CUX1: variants seen among roughly 807,000 people sequenced by gnomAD.
CUX1 encodes cut like homeobox 1, also known as protein CASP.
In CUX1, 31 loss-of-function variants were observed where a neutral mutation model predicts 158.8. That is an observed-to-expected ratio of 0.20 (90% CI 0.15 to 0.26). The LOEUF is 0.26. Ranked by LOEUF, CUX1 falls within the 10% of genes least tolerant of loss-of-function variation. The probability of loss-of-function intolerance (pLI) is 1.00; values close to 1 mark genes in which losing one functional copy is unlikely to be tolerated. For synonymous variants in CUX1, 879 were observed against 862.1 expected (o/e 1.02, Z -0.34); for missense variants, 1,589 against 2,014.6 (o/e 0.79, Z 4.04).
At chr7:102,056,804 C>T (rs568488168) in intron 3 of CUX1, among the ~76,000 whole-genome samples, 19 of 152,206 alleles carry the variant, frequency 1.2e-4, no homozygotes, top group Non-Finnish European at 8.8e-5. Context: ...CTCCTGACCT[C>T]GTGATCCGCC....
chr7:101,873,087 G>A (rs1372242113), intron 1 of CUX1, among the ~76,000 whole-genome samples: 2 of 151,576 alleles, frequency 1.3e-5, no homozygotes, highest in African/African-American at 2.4e-5. Context: ...TGGCCAGGAT[G>A]GTCTTGATCT....
chr7:102,028,864 A>C (rs1175365970), intron 3 of CUX1, among the ~76,000 whole-genome samples: 1 of 152,122 alleles, frequency 6.6e-6, no homozygotes, highest in Non-Finnish European at 1.5e-5. Flanking sequence ...GGATTTATTG[A>C]ATCTCACCTC....
chr7:102,189,972 T>C (rs1794104096), intron 12 of CUX1, 101 bp downstream of exon 12: 1 of 1,268,082 alleles, frequency 7.9e-7, no homozygotes, highest in Non-Finnish European at 1.1e-6. Flanking sequence ...CCCCCTGCCC[T>C]CTGGCTCAGC....
intron 1 of CUX1, among the ~76,000 whole-genome samples, chr7:101,889,750 C>A (rs181273019): frequency 6.6e-6 from 1 of 152,090 alleles, no homozygotes; most frequent in Non-Finnish European, 1.5e-5. Flanking sequence ...CCAGCCTGGG[C>A]GACAGAGCAA....
chr7:101,969,845 G>A (rs529971874), intron 2 of CUX1, among the ~76,000 whole-genome samples: 2 of 151,976 alleles, frequency 1.3e-5, no homozygotes, highest in South Asian at 2.1e-4. Flanking sequence ...AAAAAGAGGC[G>A]CCTGATCTGC....
chr7:102,261,618 G>T (rs1391715392), downstream of CUX1, among the ~76,000 whole-genome samples: 1 of 151,784 alleles, frequency 6.6e-6, no homozygotes, highest in Non-Finnish European at 1.5e-5. Context: ...CAGGGAGCGG[G>T]ATTTGAGGAC....
At chr7:101,883,566 AT>A (rs200398328) in intron 1 of CUX1, among the ~76,000 whole-genome samples, 51 of 147,346 alleles carry the variant, frequency 3.5e-4, no homozygotes, top group East Asian at 1.1e-3. Flanking sequence ...ATCTATAGTT[AT>A]TTTTTTTTCT....
Position 102,201,234 on chromosome 7 carries a change from G to A in CUX1, c.2063-126G>A. The A allele has an allele frequency of 2.2e-6, 3 of 1,380,962 alleles. No individual in the cohort carries two copies. Among genetic ancestry groups the A allele is most frequent in the South Asian group, 1.4e-5 (1 of 73,464 alleles). The allele number at this position is 1,380,962 out of a possible 1,614,324, so 85.5% of individuals were successfully genotyped here. A position where few individuals can be genotyped will look rare whatever the true frequency, so the allele number is the denominator to read the frequency against. ...TGTTTCACTGACAGGGGCCATGCTG[G>A]GGAAATACACAGTGTGGTTCTCCCA... On this transcript the variant is annotated intron_variant, in intron 17 of 23. Coordinates refer to ENST00000292535, the MANE Select transcript of CUX1 (RefSeq NM_181552.4). The surrounding 1 kb of genome is among the most constrained non-coding windows in gnomAD (Gnocchi z 5.0).
At chr7:101,828,270 C>T (rs1245168232) in intron 1 of CUX1, among the ~76,000 whole-genome samples, 3 of 151,924 alleles carry the variant, frequency 2.0e-5, no homozygotes, top group Non-Finnish European at 4.4e-5. Context: ...ATACCCAGCC[C>T]CACTCAATGT....
rs1554539661 is a variant in CUX1, at chr7:102,250,537, C to A, written c.*1495C>A. The A allele has an allele frequency of 1.0e-6, 1 of 985,348 alleles. No homozygotes were observed. Among genetic ancestry groups the A allele is most frequent in the African/African-American group, 1.7e-5 (1 of 57,242 alleles). The allele number at this position is 985,348 out of a possible 1,614,324, so 61.0% of individuals were successfully genotyped here. On this transcript the variant is annotated 3_prime_UTR_variant, in exon 24 of 24. Coordinates refer to ENST00000292535, the MANE Select transcript of CUX1 (RefSeq NM_181552.4). Reference sequence around the variant, plus strand: ...ACTCGTGGGAAACTTCCTTTCTCTGCAGGAGAGAGAACGTGGCATTCTGGG... The same window carrying A: ...ACTCGTGGGAAACTTCCTTTCTCTGAAGGAGAGAGAACGTGGCATTCTGGG...
chr7:101,965,157 C>T (rs758938108), intron 2 of CUX1, among the ~76,000 whole-genome samples: 1 of 152,206 alleles, frequency 6.6e-6, no homozygotes, highest in Admixed American at 6.5e-5. Context: ...TATGCTTCCT[C>T]GAACAGCAAC....
intron 8 of CUX1, among the ~76,000 whole-genome samples, chr7:102,135,713 G>A (rs1330320067): frequency 2.0e-5 from 3 of 152,120 alleles, no homozygotes; most frequent in Non-Finnish European, 4.4e-5. Flanking sequence ...GGTGGCTCAT[G>A]CCTGTAATTC....
intron 8 of CUX1, among the ~76,000 whole-genome samples, chr7:102,153,200 T>C (rs1409756651): frequency 3.9e-5 from 6 of 152,188 alleles, no homozygotes; most frequent in Non-Finnish European, 8.8e-5. Context: ...GTGTGCACTT[T>C]CCAGGAGGTG....
At chr7:102,047,934 A>G (rs772004112) in intron 3 of CUX1, among the ~76,000 whole-genome samples, 13 of 152,158 alleles carry the variant, frequency 8.5e-5, no homozygotes, top group South Asian at 2.1e-4. Flanking sequence ...ATGCAGTTTG[A>G]TAACAGCTGA....
intron 5 of CUX1, among the ~76,000 whole-genome samples, chr7:102,102,115 C>T (rs1282882849): frequency 1.3e-5 from 2 of 152,040 alleles, no homozygotes. Flanking sequence ...AGCATTTCTT[C>T]CAGGACCTGA....
intron 4 of CUX1, among the ~76,000 whole-genome samples, chr7:102,085,079 G>C (rs1305639096): frequency 6.6e-6 from 1 of 151,572 alleles, no homozygotes; most frequent in African/African-American, 2.4e-5. Flanking sequence ...GTCATAAATG[G>C]TATTGAATTT....
At chr7:102,272,687 C>T (rs1205443128) in intron 14 of CUX1, among the ~76,000 whole-genome samples, 1 of 152,204 alleles carries the variant, frequency 6.6e-6, no homozygotes, top group African/African-American at 2.4e-5. Context: ...CTCTCACCCT[C>T]CTGCAGGGCA....
intron 2 of CUX1, among the ~76,000 whole-genome samples, chr7:101,967,693 C>T (rs1490890214): frequency 6.6e-6 from 1 of 152,174 alleles, no homozygotes; most frequent in African/African-American, 2.4e-5. Context: ...ATGTTGTGTG[C>T]ACCACACTTT....
intron 20 of CUX1, among the ~76,000 whole-genome samples, chr7:102,216,632 C>CT (rs1797168243): frequency 8.1e-6 from 1 of 123,248 alleles, no homozygotes; most frequent in Non-Finnish European, 1.7e-5. Context: ...CACACACACC[C>CT]CCACACACGC....
Sources: allele counts gnomAD v4.1 joint callset (sites outside exome capture counted in the v4.1 genomes callset), GRCh38; gene constraint gnomAD v4.1.1; non-coding constraint Gnocchi (gnomAD v3.1); transcripts MANE v1.5; gene names NCBI Gene and HGNC (gene_info 2026-07-23, HGNC 2026-07-21).